The following TNR variants were observed in gnomAD, a reference collection of about 807,000 sequenced individuals.
TNR encodes tenascin R, also known as tenascin-R.
In TNR, 45 loss-of-function variants were observed where a neutral mutation model predicts 150.4. The ratio of observed to expected loss-of-function variants is 0.30; its 90% CI spans 0.24 to 0.38. The LOEUF (loss-of-function observed/expected upper bound fraction) is 0.38. TNR is among the 10% of genes least tolerant of loss of function. The pLI is 1.00. For synonymous variants in TNR, 687 were observed against 678.4 expected, an observed-to-expected ratio of 1.01 and a Z score of -0.20; for missense variants, 1,544 against 1,759.1, an observed-to-expected ratio of 0.88 and a Z score of 2.19.
chr1:175,404,622 C>A (rs1214932968), intron 3 of TNR, among the ~76,000 whole-genome samples: 2 of 152,170 alleles, frequency 1.3e-5, no homozygotes, highest in African/African-American at 4.8e-5. Flanking sequence ...TTCATGCCGC[C>A]CCCATGAAAA....
At chr1:175,503,367 A>G (rs1442347211) in intron 2 of TNR, among the ~76,000 whole-genome samples, 1 of 152,254 alleles carries the variant, frequency 6.6e-6, no homozygotes, top group African/African-American at 2.4e-5. Context: ...ATATGGAAGG[A>G]ATCAATATAT....
intron 1 of TNR, among the ~76,000 whole-genome samples, chr1:175,625,402 C>A (rs535152763): frequency 9.2e-5 from 14 of 152,266 alleles, no homozygotes; most frequent in African/African-American, 3.4e-4. Flanking sequence ...GGTGTTGGCT[C>A]GCTGGCACTA....
rs201488053 is a variant in TNR at position 175,427,850 on chromosome 1, T to TTTCC, written c.-63-21077_-63-21074dup. On this transcript the variant is annotated intron_variant, in intron 2 of 22. Transcript: ENST00000367674. Reference sequence around the variant, plus strand: ...TCTTTCCTCCCTCCCTTCCCTCTTTTTTCCTTCCTTCCTTCCTTCCTTCTT... The same window carrying TTTCC: ...TCTTTCCTCCCTCCCTTCCCTCTTTTTTCCTTCCTTCCTTCCTTCCTTCCTTCTT... Among the ~76,000 whole-genome samples, 377 of 137,882 alleles carry TTTCC rather than the reference T, an allele frequency of 2.7e-3. 6 individuals carry two copies. Among genetic ancestry groups the TTTCC allele is most frequent in the African/African-American group, 9.9e-3 (358 of 36,028 alleles). The allele number at this position is 137,882 out of a possible 152,430, so 90.5% of individuals were successfully genotyped here. A position where few individuals can be genotyped will look rare whatever the true frequency, so the allele number is the denominator to read the frequency against.
At chr1:175,384,461 G>A (rs753561454) in intron 8 of TNR, among the ~76,000 whole-genome samples, 3 of 152,230 alleles carry the variant, frequency 2.0e-5, no homozygotes, top group Admixed American at 6.5e-5. Flanking sequence ...ATCTGGCCCA[G>A]GCACTACAGA....
intron 4 of TNR, among the ~76,000 whole-genome samples, chr1:175,399,146 C>T (rs1301712664): frequency 6.6e-6 from 1 of 152,184 alleles, no homozygotes; most frequent in Non-Finnish European, 1.5e-5. Context: ...GACTGGTGCT[C>T]ATCCTACAGG....
chr1:175,723,473 T>C (rs1667394700), intron 1 of TNR, among the ~76,000 whole-genome samples: 1 of 152,250 alleles, frequency 6.6e-6, no homozygotes, highest in Admixed American at 6.5e-5. Context: ...CAAAAGAGAC[T>C]CTATCCTTGC....
At chr1:175,612,678 C>T (rs955089115) in intron 1 of TNR, among the ~76,000 whole-genome samples, 3 of 152,204 alleles carry the variant, frequency 2.0e-5, no homozygotes, top group East Asian at 1.9e-4. Flanking sequence ...CCTTGACAAA[C>T]GTATCCTTAA....
intron 1 of TNR, among the ~76,000 whole-genome samples, chr1:175,617,524 A>G (rs1489642744): frequency 6.6e-6 from 1 of 152,204 alleles, no homozygotes; most frequent in African/African-American, 2.4e-5. Context: ...GGATTCTTGC[A>G]TCGGGATGGC....
At chr1:175,631,468 G>A (rs1664325012) in intron 1 of TNR, among the ~76,000 whole-genome samples, 1 of 152,160 alleles carries the variant, frequency 6.6e-6, no homozygotes, top group South Asian at 2.1e-4. Flanking sequence ...GAAACATTAT[G>A]AGATTTTTTT....
chr1:175,623,686 C>G (rs1664051968), intron 1 of TNR, among the ~76,000 whole-genome samples: 1 of 152,250 alleles, frequency 6.6e-6, no homozygotes, highest in Admixed American at 6.5e-5. Flanking sequence ...CCTTTGCCAA[C>G]TCCTCTTTGC....
intron 4 of TNR, among the ~76,000 whole-genome samples, chr1:175,398,471 T>C (rs1653542464): frequency 6.6e-6 from 1 of 152,230 alleles, no homozygotes; most frequent in Non-Finnish European, 1.5e-5. Context: ...TGAATTTCAC[T>C]AAAACCTTTG....
intron 1 of TNR, among the ~76,000 whole-genome samples, chr1:175,686,575 C>T (rs1032270734): frequency 1.3e-5 from 2 of 152,240 alleles, no homozygotes; most frequent in South Asian, 2.1e-4. Context: ...CATAATGCTT[C>T]GATTGAGCCC....
At chr1:175,648,025 G>T (rs1664855314) in intron 1 of TNR, among the ~76,000 whole-genome samples, 1 of 151,872 alleles carries the variant, frequency 6.6e-6, no homozygotes, top group African/African-American at 2.4e-5. Context: ...CCTCTCTAAA[G>T]TTCTCTTCTC....
intron 1 of TNR, among the ~76,000 whole-genome samples, chr1:175,661,429 G>C (rs1239432881): frequency 6.6e-6 from 1 of 152,154 alleles, no homozygotes; most frequent in East Asian, 1.9e-4. Context: ...GCTGGGGTGA[G>C]GCCGTGGAGG....
chr1:175,377,287 G>A (rs1348786416), intron 9 of TNR, among the ~76,000 whole-genome samples: 1 of 152,152 alleles, frequency 6.6e-6, no homozygotes, highest in Non-Finnish European at 1.5e-5. Context: ...CCGGTAGAGG[G>A]AAATAATAAC....
intron 1 of TNR, among the ~76,000 whole-genome samples, chr1:175,739,010 C>A (rs1265250350): frequency 6.6e-6 from 1 of 152,140 alleles, no homozygotes; most frequent in Non-Finnish European, 1.5e-5. Context: ...ATTAGGGAGT[C>A]CTCACTTTGG....
At chr1:175,331,062 T>TTTCTTTCTTTCC (rs1557867840) in intron 20 of TNR, among the ~76,000 whole-genome samples, 10 of 124,046 alleles carry the variant, frequency 8.1e-5, no homozygotes, top group African/African-American at 3.5e-4. Context: ...TCTTTCTTTC[T>TTTCTTTCTTTCC]TTCTTTCTTT....
intron 1 of TNR, among the ~76,000 whole-genome samples, chr1:175,541,680 A>G (rs184674596): frequency 4.6e-5 from 7 of 152,314 alleles, no homozygotes; most frequent in South Asian, 2.1e-4. Context: ...CAACCTGTGT[A>G]TATGTTGCTG....
chr1:175,481,153 AT>A (rs576061089), intron 2 of TNR, among the ~76,000 whole-genome samples: 202 of 152,302 alleles, frequency 1.3e-3, no homozygotes, highest in African/African-American at 4.7e-3. Flanking sequence ...TGATTGGGGC[AT>A]TCATCCTTGC....
Sources: allele counts gnomAD v4.1 joint callset (sites outside exome capture counted in the v4.1 genomes callset), GRCh38; gene constraint gnomAD v4.1.1; transcripts MANE v1.5; gene names NCBI Gene and HGNC (gene_info 2026-07-23, HGNC 2026-07-21).